The following INPP4B variants were observed in gnomAD, a reference collection of about 807,000 sequenced individuals.
INPP4B encodes inositol polyphosphate-4-phosphatase type II B.
In INPP4B, 55 loss-of-function variants were observed where a neutral mutation model predicts 122.5. That is an observed-to-expected ratio of 0.45 (90% CI 0.36 to 0.56). The LOEUF is 0.56. Ranked by LOEUF, INPP4B falls within the 20% of genes least tolerant of loss-of-function variation. The pLI, the probability that INPP4B is intolerant of heterozygous loss-of-function variation, is 0.00. For missense variants in INPP4B, 1,000 were observed against 1,097.7 expected, an observed-to-expected ratio of 0.91 and a Z score of 1.26; for synonymous variants, 403 against 388.7, an observed-to-expected ratio of 1.04 and a Z score of -0.43.
intron 25 of INPP4B, chr4:142,029,309 A>G (rs1215011910): frequency 1.0e-6 from 1 of 985,580 alleles, no homozygotes; most frequent in East Asian, 1.1e-4. Context: ...GGTTCTAGAA[A>G]TAAGGCATTT....
chr4:142,271,820 T>C (rs75995193), intron 9 of INPP4B, among the ~76,000 whole-genome samples: 5,865 of 152,294 alleles, frequency 0.039, 367 homozygotes, highest in African/African-American at 0.13. Context: ...TCATTATTTT[T>C]AGCAGCATAA....
intron 2 of INPP4B, among the ~76,000 whole-genome samples, chr4:142,618,377 A>G (rs573206541): frequency 6.6e-6 from 1 of 152,242 alleles, no homozygotes; most frequent in South Asian, 2.1e-4. Flanking sequence ...TGGCATAATG[A>G]AAGACATATG....
intron 1 of INPP4B, among the ~76,000 whole-genome samples, chr4:142,738,943 G>C (rs1767479412): frequency 6.6e-6 from 1 of 152,096 alleles, no homozygotes; most frequent in African/African-American, 2.4e-5. Context: ...TCACTTACAA[G>C]TTGACCTAGG....
intron 9 of INPP4B, among the ~76,000 whole-genome samples, chr4:142,300,710 T>C (rs188943057): frequency 6.6e-6 from 1 of 152,246 alleles, no homozygotes; most frequent in African/African-American, 2.4e-5. Context: ...CAGTATAAGT[T>C]AAATGTTTTT....
At chr4:142,522,260 G>C (rs1038433090) in intron 2 of INPP4B, among the ~76,000 whole-genome samples, 4 of 151,608 alleles carry the variant, frequency 2.6e-5, no homozygotes, top group African/African-American at 9.7e-5. Flanking sequence ...TTTTCAAATT[G>C]AGAATTTTAT....
chr4:142,836,814 A>G (rs1782841344), intron 1 of INPP4B, among the ~76,000 whole-genome samples: 1 of 152,144 alleles, frequency 6.6e-6, no homozygotes, highest in Non-Finnish European at 1.5e-5. Context: ...ATATATATTA[A>G]TAACATAAAT....
intron 2 of INPP4B, among the ~76,000 whole-genome samples, chr4:142,619,678 G>T (rs1431812789): frequency 6.6e-6 from 1 of 151,926 alleles, no homozygotes; most frequent in Non-Finnish European, 1.5e-5. Context: ...TTAAGTTCTA[G>T]AGATCTTCTG....
intron 18 of INPP4B, among the ~76,000 whole-genome samples, chr4:142,129,655 T>A (rs191330576): frequency 2.0e-3 from 304 of 152,278 alleles, no homozygotes; most frequent in Non-Finnish European, 3.7e-3. Context: ...GAAAAGCACC[T>A]GTGGAAACTT....
intron 9 of INPP4B, among the ~76,000 whole-genome samples, chr4:142,278,837 A>G (rs1749855990): frequency 6.6e-6 from 1 of 151,938 alleles, no homozygotes; most frequent in African/African-American, 2.4e-5. Context: ...GATACTGAAA[A>G]GTATGTAAGA....
Position 142,193,199 on chromosome 4 carries a change from G to C in INPP4B, c.1073-4C>G, listed in dbSNP as rs2149359614. ...GTGATGACATCGTAGAGAGCATCTG[G>C]AGTAGAAACAGACAAGGAGATGAAC... On this transcript the variant is annotated splice_polypyrimidine_tract_variant and splice_region_variant and intron_variant, in intron 14 of 25. Transcript: ENST00000262992. 17 of 1,574,468 alleles carry C rather than the reference G, an allele frequency of 1.1e-5. No homozygotes were observed. The highest frequency in any genetic ancestry group is 1.5e-5 in the Non-Finnish European group (17 of 1,144,526).
chr4:142,271,055 C>T (rs1176074616), intron 9 of INPP4B, among the ~76,000 whole-genome samples: 3 of 151,778 alleles, frequency 2.0e-5, no homozygotes, highest in Non-Finnish European at 4.4e-5. Context: ...CCTCCACCTC[C>T]CAGATTCAAG....
At chr4:142,580,499 G>C (rs1734841450) in intron 2 of INPP4B, among the ~76,000 whole-genome samples, 1 of 151,946 alleles carries the variant, frequency 6.6e-6, no homozygotes, top group African/African-American at 2.4e-5. Flanking sequence ...TAGTTAATTT[G>C]AGAGAACTGA....
intron 1 of INPP4B, among the ~76,000 whole-genome samples, chr4:142,744,255 A>C (rs1343045188): frequency 6.6e-6 from 1 of 151,960 alleles, no homozygotes; most frequent in Non-Finnish European, 1.5e-5. Context: ...AAATCAGTTG[A>C]AGTTCTGCAA....
intron 10 of INPP4B, 73 bp downstream of exon 10, chr4:142,270,590 T>C (rs1745270162): frequency 4.0e-6 from 4 of 1,010,964 alleles, no homozygotes; most frequent in Non-Finnish European, 4.7e-6. Context: ...CACAGAGATG[T>C]TGGTGAGACA....
At chr4:142,667,130 G>A (rs542571943) in intron 2 of INPP4B, among the ~76,000 whole-genome samples, 82 of 152,294 alleles carry the variant, frequency 5.4e-4, no homozygotes, top group African/African-American at 1.9e-3. Flanking sequence ...GATCAGATGA[G>A]GGCATCAGTA....
At chr4:142,832,767 G>C (rs7683768) in intron 1 of INPP4B, among the ~76,000 whole-genome samples, 13,675 of 149,204 alleles carry the variant, frequency 0.092, 2,224 homozygotes, top group African/African-American at 0.33. Context: ...CTCCCCCCCC[G>C]CATTGTCTTA....
At chr4:142,097,225 T>TTTTATTTTATGTTATTTTA (rs70949153) in intron 23 of INPP4B, among the ~76,000 whole-genome samples, 14 of 135,488 alleles carry the variant, frequency 1.0e-4, no homozygotes, top group Non-Finnish European at 1.6e-4. Flanking sequence ...TTTTATGTTA[T>TTTTATTTTATGTTATTTTA]TTTTATTTTA....
intron 2 of INPP4B, among the ~76,000 whole-genome samples, chr4:142,715,063 G>A (rs901448814): frequency 1.3e-5 from 2 of 152,166 alleles, no homozygotes; most frequent in Non-Finnish European, 2.9e-5. Flanking sequence ...ATTAACTGAG[G>A]TAGAGATTTT....
chr4:142,710,948 T>G (rs1278780580), intron 2 of INPP4B, among the ~76,000 whole-genome samples: 2 of 152,206 alleles, frequency 1.3e-5, no homozygotes, highest in East Asian at 1.9e-4. Context: ...TCTCCCTGAC[T>G]CTACTCTTCA....
Sources: allele counts gnomAD v4.1 joint callset (sites outside exome capture counted in the v4.1 genomes callset), GRCh38; gene constraint gnomAD v4.1.1; transcripts MANE v1.5; gene names NCBI Gene and HGNC (gene_info 2026-07-23, HGNC 2026-07-21).